NFX1: variants seen among roughly 807,000 people sequenced by gnomAD.
NFX1 encodes transcriptional repressor NF-X1.
NFX1 carries 69 observed loss-of-function variants against 137.2 expected under a neutral mutation model. That is an observed-to-expected ratio of 0.50 (90% CI 0.41 to 0.61). The LOEUF is 0.61. Ranked by LOEUF, NFX1 falls within the 20% of genes least tolerant of loss-of-function variation. The probability of loss-of-function intolerance (pLI) is 0.00; values close to 1 mark genes in which losing one functional copy is unlikely to be tolerated. For missense variants in NFX1, 1,167 were observed against 1,391.0 expected (o/e 0.84, Z 2.56); for synonymous variants, 495 against 474.1 (o/e 1.04, Z -0.57).
intron 9 of NFX1, among the ~76,000 whole-genome samples, chr9:33,326,129 G>C (rs1353076191): frequency 1.3e-5 from 2 of 151,998 alleles, no homozygotes; most frequent in East Asian, 3.9e-4. Context: ...GTATAAGAGG[G>C]GGGCTAGGCG....
At chr9:33,344,304 C>T (rs535325338) in intron 14 of NFX1, 116 bp downstream of exon 14, 37 of 1,417,006 alleles carry the variant, frequency 2.6e-5, no homozygotes, top group Middle Eastern at 2.2e-4. Context: ...CCCTTGCTCC[C>T]GGCTCAGGGG....
chr9:33,362,427 C>T (rs924157420), intron 19 of NFX1, among the ~76,000 whole-genome samples: 3 of 151,788 alleles, frequency 2.0e-5, no homozygotes, highest in Non-Finnish European at 2.9e-5. Context: ...AAATACTATT[C>T]GGCCATAAAA....
intron 7 of NFX1, 69 bp downstream of exon 7, chr9:33,313,862 A>ATAAACTTTGAT: frequency 6.7e-7 from 1 of 1,503,320 alleles, no homozygotes. Context: ...GATTGTCTTG[A>ATAAACTTTGAT]TAAACTTTGA....
At chr9:33,355,577 T>C (rs1823781485) in intron 19 of NFX1, among the ~76,000 whole-genome samples, 1 of 152,162 alleles carries the variant, frequency 6.6e-6, no homozygotes, top group Non-Finnish European at 1.5e-5. Context: ...ATTTACCCAT[T>C]ATACTGTTAA....
intron 19 of NFX1, among the ~76,000 whole-genome samples, chr9:33,362,007 G>C (rs750628024): frequency 1.3e-5 from 2 of 151,750 alleles, no homozygotes; most frequent in Non-Finnish European, 2.9e-5. Flanking sequence ...TGTAGTGCCA[G>C]CTACTGGAGA....
intron 9 of NFX1, among the ~76,000 whole-genome samples, chr9:33,322,974 A>C (rs1429607002): frequency 6.6e-6 from 1 of 152,232 alleles, no homozygotes; most frequent in Non-Finnish European, 1.5e-5. Context: ...ATTCCTTCCC[A>C]AATTTAATTG....
chr9:33,300,214 T>G (rs907961456), intron 2 of NFX1, among the ~76,000 whole-genome samples: 5 of 151,152 alleles, frequency 3.3e-5, no homozygotes, highest in African/African-American at 7.3e-5. Flanking sequence ...ACAGCCACAC[T>G]CCACCACGCC....
rs560231383 is a variant in NFX1, at chr9:33,360,765, C to A, written c.2874-3245C>A. Among the ~76,000 whole-genome samples the A allele has an allele frequency of 5.3e-5, 8 of 152,230 alleles. No individual in the cohort carries two copies. The East Asian group carries it at 1.3e-3, about 26-fold the overall frequency. ...AAATTTGAATTAGTGGCCAACTAAC[C>A]AAAACATCAAAAGATCTTCCCCTAG... On this transcript the variant is annotated intron_variant, in intron 19 of 23. Coordinates refer to ENST00000379540, the MANE Select transcript of NFX1 (RefSeq NM_002504.6).
intron 15 of NFX1, 91 bp from the exon 16 acceptor site, chr9:33,351,469 G>T (rs1587869634): frequency 7.9e-7 from 1 of 1,264,446 alleles, no homozygotes; most frequent in Admixed American, 1.9e-5. Flanking sequence ...ACCAAACCCT[G>T]CCATAAGCTT....
intron 19 of NFX1, among the ~76,000 whole-genome samples, chr9:33,357,746 A>G (rs550114704): frequency 8.0e-4 from 111 of 139,480 alleles, no homozygotes; most frequent in African/African-American, 2.6e-3. Context: ...GGGTTTTACT[A>G]TGTTGACCAG....
chr9:33,328,633 C>T lies in NFX1; in HGVS notation c.1959C>T (p.Cys653=). Residue 653 remains cysteine (C), a synonymous_variant, in exon 10 of 24, where the codon TGC becomes TGT. Coordinates refer to ENST00000379540, the MANE Select transcript of NFX1 (RefSeq NM_002504.6). ...KLCHEGDCGP[C]SRTSVISCRC... is the part of the protein sequence containing the mutation. ...GCCATGAAGGAGACTGTGGACCATGCTCTCGCACATCAGTTATTTCCTGCA... is the reference window on the plus strand; with the variant it reads ...GCCATGAAGGAGACTGTGGACCATGTTCTCGCACATCAGTTATTTCCTGCA... The T allele has an allele frequency of 1.2e-6, 2 of 1,612,630 alleles. No homozygotes were observed. Among genetic ancestry groups the T allele is most frequent in the South Asian group, 1.1e-5 (1 of 91,006 alleles).
At chr9:33,338,087 GCT>G (rs1190062465) in intron 11 of NFX1, among the ~76,000 whole-genome samples, 3 of 151,256 alleles carry the variant, frequency 2.0e-5, no homozygotes, top group Non-Finnish European at 4.4e-5. Context: ...AGGCGTGTTG[GCT>G]CACACCTGTA....
At chr9:33,363,301 TTTAGAC>T (rs1824068989) in intron 19 of NFX1, among the ~76,000 whole-genome samples, 2 of 136,318 alleles carry the variant, frequency 1.5e-5, no homozygotes, top group Admixed American at 1.4e-4. Context: ...TATTATTATT[TTTAGAC>T]AGAGTCTCAC....
intron 9 of NFX1, among the ~76,000 whole-genome samples, chr9:33,320,569 A>T (rs910813067): frequency 6.6e-6 from 1 of 152,088 alleles, no homozygotes; most frequent in Non-Finnish European, 1.5e-5. Context: ...GTGGCTTCTG[A>T]TTACTTGAAT....
intron 18 of NFX1, 44 bp downstream of exon 18, chr9:33,354,231 A>G (rs770823567): frequency 2.1e-6 from 3 of 1,458,190 alleles, no homozygotes; most frequent in South Asian, 1.2e-5. Flanking sequence ...CTTCAATTAG[A>G]CTTCAATTAG....
rs775482135 is a variant in NFX1, at chr9:33,295,433, C to G, written c.1033+6C>G. 9.4e-6 allele frequency: 15 copies of G among 1,600,718 alleles called. No individual in the cohort carries two copies. In the South Asian group the frequency reaches 1.7e-4, roughly 18 times the overall value. ...GAATGTGGAAACGCACACAGGTAAA[C>G]CTACCTAGATAGGAAATATTTTGTT... On this transcript the variant is annotated splice_donor_region_variant and intron_variant, in intron 2 of 23. Transcript: ENST00000379540.
chr9:33,344,374 A>G (rs189681001), intron 14 of NFX1, among the ~76,000 whole-genome samples, 186 bp downstream of exon 14: 2 of 152,286 alleles, frequency 1.3e-5, no homozygotes, highest in East Asian at 1.9e-4. Context: ...AGTGCCCTCC[A>G]TTGGTTTACT....
intron 3 of NFX1, among the ~76,000 whole-genome samples, chr9:33,302,159 T>A (rs1821592042): frequency 1.3e-5 from 2 of 152,208 alleles, no homozygotes; most frequent in Admixed American, 1.3e-4. Flanking sequence ...ACACATGATA[T>A]TTTGATACAA....
chr9:33,298,977 A>G (rs1171792543), intron 2 of NFX1, among the ~76,000 whole-genome samples: 1 of 152,228 alleles, frequency 6.6e-6, no homozygotes, highest in Non-Finnish European at 1.5e-5. Context: ...GAGCAACTTA[A>G]AAGAATGGAA....
Sources: gnomAD v4.1 joint callset for allele counts (sites outside exome capture counted in the v4.1 genomes callset) on GRCh38, gnomAD v4.1.1 for gene constraint, MANE v1.5 for transcripts, NCBI Gene and HGNC (gene_info 2026-07-23, HGNC 2026-07-21) for gene names.